Variants in LGR6 observed in about 807,000 individuals in gnomAD.
LGR6 encodes the protein leucine-rich repeat-containing G protein-coupled receptor 6.
LGR6 carries 45 observed loss-of-function variants against 69.4 expected under a neutral mutation model. The observed-to-expected ratio is 0.65, with a 90% CI of 0.51 to 0.83. The LOEUF (loss-of-function observed/expected upper bound fraction) is 0.83. LGR6 is among the 40% of genes least tolerant of loss of function. The probability of loss-of-function intolerance (pLI) is 0.00; values close to 1 mark genes in which losing one functional copy is unlikely to be tolerated. For synonymous variants in LGR6, 538 were observed against 555.0 expected (o/e 0.97, Z 0.43); for missense variants, 1,108 against 1,246.7 (o/e 0.89, Z 1.68).
chr1:202,283,554 G>A (rs1387638626), intron 6 of LGR6, among the ~76,000 whole-genome samples: 2 of 152,198 alleles, frequency 1.3e-5, no homozygotes, highest in African/African-American at 4.8e-5. Flanking sequence ...TCAAACCCCT[G>A]CGGCCCAAGC....
At chr1:202,297,603 G>A (rs758126516) in intron 7 of LGR6, 27 bp downstream of exon 7, 2 of 1,601,696 alleles carry the variant, frequency 1.2e-6, no homozygotes, top group Non-Finnish European at 1.7e-6. Flanking sequence ...GTTTCTGTGG[G>A]TGTCCTTCTG....
chr1:202,256,417 T>C (rs1357716303), intron 4 of LGR6, among the ~76,000 whole-genome samples: 1 of 152,102 alleles, frequency 6.6e-6, no homozygotes, highest in Non-Finnish European at 1.5e-5. Flanking sequence ...CTAATTTTTG[T>C]ATTTTAGTAG....
At chr1:202,224,939 T>A (rs994713298) in intron 1 of LGR6, among the ~76,000 whole-genome samples, 5 of 152,230 alleles carry the variant, frequency 3.3e-5, no homozygotes, top group Admixed American at 3.3e-4. Context: ...TCGTACCAGT[T>A]CATGAATACT....
intron 3 of LGR6, among the ~76,000 whole-genome samples, chr1:202,230,649 C>T (rs929616024): frequency 1.8e-4 from 28 of 152,256 alleles, no homozygotes; most frequent in East Asian, 5.8e-4. Flanking sequence ...TGCATGTGTG[C>T]GTGTGTGTGT....
At chr1:202,219,103 C>T (rs892900933) in intron 1 of LGR6, among the ~76,000 whole-genome samples, 1 of 152,232 alleles carries the variant, frequency 6.6e-6, no homozygotes, top group African/African-American at 2.4e-5. Context: ...TCTTTCCTCT[C>T]TACCCCATCA....
At chr1:202,301,759 G>A (rs952149873) in intron 9 of LGR6, among the ~76,000 whole-genome samples, 2 of 152,124 alleles carry the variant, frequency 1.3e-5, no homozygotes, top group Non-Finnish European at 2.9e-5. Context: ...GCTCACTCCT[G>A]TAATCCCACC....
chr1:202,215,634 T>G (rs890732312), intron 1 of LGR6, among the ~76,000 whole-genome samples: 1 of 152,182 alleles, frequency 6.6e-6, no homozygotes, highest in African/African-American at 2.4e-5. Flanking sequence ...ATGTGCAGGA[T>G]TCATTCCATT....
At chr1:202,259,461 T>C (rs1664046425) in intron 4 of LGR6, among the ~76,000 whole-genome samples, 1 of 152,200 alleles carries the variant, frequency 6.6e-6, no homozygotes, top group Non-Finnish European at 1.5e-5. Flanking sequence ...ATCTCTTTGG[T>C]TTTCTACTTC....
intron 4 of LGR6, among the ~76,000 whole-genome samples, chr1:202,271,163 C>T (rs986572264): frequency 6.6e-6 from 1 of 152,186 alleles, no homozygotes; most frequent in Non-Finnish European, 1.5e-5. Flanking sequence ...AGCCAGAGTC[C>T]ATCAGGATTG....
Position 202,317,993 on chromosome 1 carries a change from A to G in LGR6, c.1690A>G (p.Ile564Val). 1.2e-6 allele frequency: 2 copies of G among 1,613,852 alleles called. No individual in the cohort carries two copies. Among genetic ancestry groups the G allele is most frequent in the Non-Finnish European group, 1.7e-6 (2 of 1,179,858 alleles). ...PCEYLFESWG[I>V]RLAVWAIVLL... ...TGAGTACCTCTTTGAAAGCTGGGGC[A>G]TCCGCCTGGCCGTGTGGGCCATCGT... Residue 564 changes from isoleucine (I) to valine (V), a missense_variant, in exon 18 of 18, where the codon ATC (isoleucine) becomes GTC (valine). Transcript: ENST00000367278.
intron 6 of LGR6, among the ~76,000 whole-genome samples, chr1:202,296,327 G>C (rs962690115): frequency 6.6e-6 from 1 of 152,144 alleles, no homozygotes; most frequent in Non-Finnish European, 1.5e-5. Flanking sequence ...TCCACATGAG[G>C]CTAAGTCGTT....
At chr1:202,230,110 C>T (rs955875241) in intron 3 of LGR6, among the ~76,000 whole-genome samples, 4 of 152,052 alleles carry the variant, frequency 2.6e-5, no homozygotes, top group Non-Finnish European at 4.4e-5. Flanking sequence ...GTGGCCTCTT[C>T]TTATTTCAGA....
At chr1:202,251,962 A>G (rs879370976) in intron 4 of LGR6, among the ~76,000 whole-genome samples, 6 of 151,862 alleles carry the variant, frequency 4.0e-5, no homozygotes, top group Admixed American at 2.0e-4. Context: ...AGGCAAACAA[A>G]TAGTCCCCGG....
At chr1:202,235,847 A>G in intron 3 of LGR6, 75 bp from the exon 4 acceptor site, 1 of 1,312,160 alleles carries the variant, frequency 7.6e-7, no homozygotes, top group East Asian at 2.3e-5. Flanking sequence ...CTGGGGGTTC[A>G]AGGGAGGAGT....
At chr1:202,256,498 C>T (rs1253968173) in intron 4 of LGR6, among the ~76,000 whole-genome samples, 1 of 152,224 alleles carries the variant, frequency 6.6e-6, no homozygotes, top group Non-Finnish European at 1.5e-5. Context: ...CTGCCTCGGC[C>T]TCCCAAAGTA....
At chr1:202,269,682 A>G (rs1346591431) in intron 4 of LGR6, among the ~76,000 whole-genome samples, 1 of 152,128 alleles carries the variant, frequency 6.6e-6, no homozygotes, top group African/African-American at 2.4e-5. Flanking sequence ...CTCTGCTCCT[A>G]AAGCCCTCTG....
chr1:202,210,118 G>A (rs1351976509), intron 1 of LGR6, among the ~76,000 whole-genome samples: 3 of 152,212 alleles, frequency 2.0e-5, no homozygotes, highest in Non-Finnish European at 4.4e-5. Context: ...GGCTGACTGA[G>A]ATGTCTCTTC....
At chr1:202,280,973 G>T in intron 6 of LGR6, 121 bp downstream of exon 6, 1 of 841,148 alleles carries the variant, frequency 1.2e-6, no homozygotes, top group South Asian at 1.7e-5. Flanking sequence ...GTCTGGCCCC[G>T]GGCTTGTTTA....
intron 4 of LGR6, among the ~76,000 whole-genome samples, chr1:202,245,356 A>T (rs1571883760): frequency 6.6e-6 from 1 of 152,104 alleles, no homozygotes; most frequent in Non-Finnish European, 1.5e-5. Flanking sequence ...GAACATGGGT[A>T]ATTTGGCTCC....
Sources: allele counts gnomAD v4.1 joint callset (sites outside exome capture counted in the v4.1 genomes callset), GRCh38; gene constraint gnomAD v4.1.1; transcripts MANE v1.5; gene names NCBI Gene and HGNC (gene_info 2026-07-23, HGNC 2026-07-21).